The following AMZ1 variants were observed in gnomAD, a reference collection of about 807,000 sequenced individuals.
AMZ1 encodes the protein archaelysin family metallopeptidase 1, also known as archaemetzincin-1.
In AMZ1, 39 loss-of-function variants were observed where a neutral mutation model predicts 29.9. The observed-to-expected ratio is 1.30, with a 90% CI of 1.01 to 1.70. The LOEUF (loss-of-function observed/expected upper bound fraction) is 1.70, where lower values mean the gene tolerates loss of function less well. AMZ1 is among the 40% of genes most tolerant of loss of function. The pLI is 0.00. For missense variants in AMZ1, 1,041 were observed against 680.6 expected (o/e 1.53, Z -5.89); for synonymous variants, 458 against 304.0 (o/e 1.51, Z -5.27).
At chr7:2,763,676 G>C (rs887934913), upstream of AMZ1, among the ~76,000 whole-genome samples, 1 of 152,246 alleles carries the variant, frequency 6.6e-6, no homozygotes, top group Non-Finnish European at 1.5e-5. Flanking sequence ...GAAGATCCCT[G>C]GTAAGAATGA....
Position 2,709,829 on chromosome 7 carries a change from G to C in AMZ1, c.948+13G>C, listed in dbSNP as rs750796278. On this transcript the variant is annotated intron_variant, in intron 6 of 6. Coordinates refer to ENST00000683327, the MANE Select transcript of AMZ1 (RefSeq NM_001384743.1). ...CGAGAGGTACCAGGTGAGTGGCTGAGTTGCGCTGCCCGGCTGCTGGGACCT... is the reference window on the plus strand; with the variant it reads ...CGAGAGGTACCAGGTGAGTGGCTGACTTGCGCTGCCCGGCTGCTGGGACCT... The C allele has an allele frequency of 7.4e-6, 12 of 1,610,968 alleles. No individual in the cohort carries two copies. The highest frequency in any genetic ancestry group is 1.3e-5 in the African/African-American group (1 of 75,034).
chr7:2,713,333 C>T lies in AMZ1; in HGVS notation c.*455C>T, dbSNP rs1477902552. 6.5e-6 allele frequency: 1 copy of T among 153,244 alleles called. No homozygotes were observed. The highest frequency in any genetic ancestry group is 1.9e-4 in the East Asian group (1 of 5,302). 9.5% of individuals were successfully genotyped at this position (153,244 alleles called of 1,614,324 possible). ...GTCCCAGCCAGCCGCTCCCAGGGGC[C>T]TGCACACATGGAGAGGCCTCCCTGA... On this transcript the variant is annotated 3_prime_UTR_variant, in exon 7 of 7. Coordinates refer to ENST00000683327, the MANE Select transcript of AMZ1 (RefSeq NM_001384743.1).
intron 4 of AMZ1, among the ~76,000 whole-genome samples, chr7:2,734,225 C>G (rs147133035): frequency 6.6e-6 from 1 of 152,182 alleles, no homozygotes; most frequent in Non-Finnish European, 1.5e-5. Context: ...ACACGGGGCA[C>G]GGGAGGAGCC....
At chr7:2,730,759 T>C (rs80106595) in intron 4 of AMZ1, 2 of 167,308 alleles carry the variant, frequency 1.2e-5, no homozygotes, top group South Asian at 3.3e-4. Flanking sequence ...CAGGGAAGAC[T>C]TGTGAGTTAG....
At chr7:2,758,310 T>C (rs1446152263) in intron 4 of AMZ1, among the ~76,000 whole-genome samples, 3 of 152,164 alleles carry the variant, frequency 2.0e-5, no homozygotes, top group Non-Finnish European at 2.9e-5. Flanking sequence ...CAAACACTTA[T>C]CTCATTCGCC....
At chr7:2,753,890 T>A (rs1271475557) in intron 4 of AMZ1, among the ~76,000 whole-genome samples, 1 of 152,158 alleles carries the variant, frequency 6.6e-6, no homozygotes, top group African/African-American at 2.4e-5. Flanking sequence ...TCAGTAAGGA[T>A]CATCTCAATG....
chr7:2,701,582 G>A (rs1472853434), intron 2 of AMZ1, among the ~76,000 whole-genome samples: 1 of 152,206 alleles, frequency 6.6e-6, no homozygotes, highest in Admixed American at 6.5e-5. Context: ...CGGGGAGCGC[G>A]AGGGGCAGGG....
At chr7:2,751,970 AAG>A (rs779653735) in intron 4 of AMZ1, among the ~76,000 whole-genome samples, 7 of 152,234 alleles carry the variant, frequency 4.6e-5, no homozygotes, top group Non-Finnish European at 1.0e-4. Context: ...CAGAAAATCA[AAG>A]AGGAAGAAAT....
rs867766709 is a variant in AMZ1, at chr7:2,700,696, C to T, written c.245C>T (p.Ala82Val). Reference sequence around the variant, plus strand: ...CCCGAGGACTTCCAGACCTTCCACGCCTCCCTGCAGCACCGGAAGCCCCGC... The same window carrying T: ...CCCGAGGACTTCCAGACCTTCCACGTCTCCCTGCAGCACCGGAAGCCCCGC... ...EAPEDFQTFH[A>V]SLQHRKPRLA... Residue 82 changes from alanine (A) to valine (V), a missense_variant, in exon 2 of 7, where the codon GCC becomes GTC. Transcript: ENST00000683327. 1 of 1,613,180 alleles carries T rather than the reference C, an allele frequency of 6.2e-7. No homozygotes were observed. Among genetic ancestry groups the T allele is most frequent in the African/African-American group, 1.3e-5 (1 of 75,062 alleles).
intron 1 of AMZ1, among the ~76,000 whole-genome samples, chr7:2,683,028 C>A (rs1160689725): frequency 6.6e-6 from 1 of 152,236 alleles, no homozygotes; most frequent in Non-Finnish European, 1.5e-5. Flanking sequence ...TGCAGAGAGG[C>A]CAAGCCCCTG....
chr7:2,762,923 G>C (rs1562414484), upstream of AMZ1: 4 of 1,408,838 alleles, frequency 2.8e-6, no homozygotes, highest in African/African-American at 2.9e-5. Flanking sequence ...CCACAGGCGG[G>C]GACGCCCCAG....
intron 1 of AMZ1, among the ~76,000 whole-genome samples, chr7:2,692,288 C>T (rs1398174036): frequency 2.6e-5 from 4 of 152,140 alleles, no homozygotes; most frequent in Admixed American, 2.0e-4. Context: ...CGCCTGTAAT[C>T]CCAACACTCT....
chr7:2,719,276 A>C lies in AMZ1; in HGVS notation c.*6398A>C, dbSNP rs1230129284. On this transcript the variant is annotated 3_prime_UTR_variant, in exon 7 of 7. Transcript: ENST00000683327. Reference sequence around the variant, plus strand: ...CGCCTCTCCCGCCTGCACCACTTGGAGGCAGTTGTTTCACGTGGGGCTCTT... The same window carrying C: ...CGCCTCTCCCGCCTGCACCACTTGGCGGCAGTTGTTTCACGTGGGGCTCTT... Among the ~76,000 whole-genome samples the C allele has an allele frequency of 6.6e-6, 1 of 152,142 alleles. No homozygotes were observed.
chr7:2,743,751 G>T (rs908513878), intron 4 of AMZ1, among the ~76,000 whole-genome samples: 1 of 152,186 alleles, frequency 6.6e-6, no homozygotes, highest in African/African-American at 2.4e-5. Context: ...AGCGCAAGGG[G>T]TCAGGGAATT....
At position 2,700,435 on chromosome 7, in the gene AMZ1, G is replaced by C. The variant is rs1218292831; in HGVS notation, c.-17G>C. On this transcript the variant is annotated 5_prime_UTR_variant, in exon 2 of 7. Transcript: ENST00000683327. ...CAGCAGGGGCTCCCAGGAGTGGCCA[G>C]GCCCTGCCCGCCCACCATGCTGCAG... The C allele has an allele frequency of 1.9e-6, 3 of 1,591,676 alleles. No homozygotes were observed. The highest frequency in any genetic ancestry group is 2.6e-6 in the Non-Finnish European group (3 of 1,175,156).
chr7:2,762,643 G>A (rs762475729), upstream of AMZ1: 1 of 1,597,022 alleles, frequency 6.3e-7, no homozygotes, highest in Non-Finnish European at 8.5e-7. Context: ...ATGAAGCACA[G>A]AGCGGCAGGA....
At chr7:2,745,623 A>T (rs1225059325) in intron 4 of AMZ1, among the ~76,000 whole-genome samples, 1 of 152,264 alleles carries the variant, frequency 6.6e-6, no homozygotes, top group African/African-American at 2.4e-5. Context: ...AACGAGCAAA[A>T]TAGCCAGCTG....
In AMZ1 at chr7:2,712,531, G is replaced by A; in HGVS notation, c.1150G>A (p.Gly384Arg). Residue 384 changes from glycine (G) to arginine (R), a missense_variant, in exon 7 of 7, where the codon GGG becomes AGG. Transcript: ENST00000683327. ...SHTFASGPEE[G>R]LSYLAASEAP... is the part of the protein sequence containing the mutation. ...CACCTTCGCCTCGGGGCCAGAGGAA[G>A]GGCTGAGCTACCTGGCAGCCTCAGA... The A allele has an allele frequency of 1.9e-6, 3 of 1,608,586 alleles. No individual in the cohort carries two copies. Among genetic ancestry groups the A allele is most frequent in the Non-Finnish European group, 2.5e-6 (3 of 1,177,684 alleles).
Position 2,700,286 on chromosome 7 carries a change from A to G in AMZ1, c.-166A>G. ...CCTGAGAGCGTCCAGGACCAGGCAG[A>G]GCTGGGCCTTAAGGGCCCTTGGACC... On this transcript the variant is annotated 5_prime_UTR_variant, in exon 2 of 7. Coordinates refer to ENST00000683327, the MANE Select transcript of AMZ1 (RefSeq NM_001384743.1). 1 of 756,088 alleles carries G rather than the reference A, an allele frequency of 1.3e-6. No individual in the cohort carries two copies. The highest frequency in any genetic ancestry group is 2.1e-6 in the Non-Finnish European group (1 of 478,992). 46.8% of individuals were successfully genotyped at this position (756,088 alleles called of 1,614,324 possible). A position where few individuals can be genotyped will look rare whatever the true frequency, so the allele number is the denominator to read the frequency against.
Sources: gnomAD v4.1 joint callset for allele counts (sites outside exome capture counted in the v4.1 genomes callset) on GRCh38, gnomAD v4.1.1 for gene constraint, MANE v1.5 for transcripts, NCBI Gene and HGNC (gene_info 2026-07-23, HGNC 2026-07-21) for gene names.